Variants in RGS7 observed in about 807,000 individuals in gnomAD.
RGS7 encodes regulator of G protein signaling 7, also known as regulator of G-protein signaling 7.
In RGS7, 27 loss-of-function variants were observed where a neutral mutation model predicts 81.1. The observed-to-expected ratio is 0.33, with a 90% CI of 0.25 to 0.46. RGS7 has a LOEUF of 0.46. Ranked by LOEUF, RGS7 falls within the 20% of genes least tolerant of loss-of-function variation. The probability of loss-of-function intolerance (pLI) is 1.00; values close to 1 mark genes in which losing one functional copy is unlikely to be tolerated. For missense variants in RGS7, 396 were observed against 607.4 expected (o/e 0.65, Z 3.66); for synonymous variants, 208 against 207.7 (o/e 1.00, Z -0.01).
rs185584628 is a variant in RGS7, at chr1:241,251,329, A to G, written c.78+104370T>C. Among the ~76,000 whole-genome samples, 3 of 152,272 alleles carry G rather than the reference A, an allele frequency of 2.0e-5. No individual in the cohort carries two copies. In the East Asian group the frequency reaches 5.8e-4, roughly 29 times the overall value. ...CTTGCTTTATTGTTGCAGTTTAGCA[A>G]GACAAGAAACTCTCCCAAAATGTCT... On this transcript the variant is annotated intron_variant, in intron 2 of 18. Coordinates refer to ENST00000440928, the MANE Select transcript of RGS7 (RefSeq NM_001364886.1).
At chr1:241,138,517 C>T (rs926806675) in intron 2 of RGS7, among the ~76,000 whole-genome samples, 4 of 152,180 alleles carry the variant, frequency 2.6e-5, no homozygotes, top group East Asian at 1.9e-4. Flanking sequence ...ACTGCACACA[C>T]GCCTGGCTTC....
At chr1:241,343,840 A>C (rs1043010222) in intron 2 of RGS7, among the ~76,000 whole-genome samples, 1 of 152,200 alleles carries the variant, frequency 6.6e-6, no homozygotes, top group Non-Finnish European at 1.5e-5. Flanking sequence ...TATAGCTAAA[A>C]TGGTACATTT....
chr1:241,274,477 A>T (rs2078086413), intron 2 of RGS7, among the ~76,000 whole-genome samples: 1 of 152,220 alleles, frequency 6.6e-6, no homozygotes, highest in East Asian at 1.9e-4. Context: ...ACAACTATGT[A>T]CATGGAACTA....
At chr1:241,266,507 C>T (rs1295896336) in intron 2 of RGS7, among the ~76,000 whole-genome samples, 1 of 152,104 alleles carries the variant, frequency 6.6e-6, no homozygotes, top group Non-Finnish European at 1.5e-5. Flanking sequence ...TTGGCTAAAT[C>T]TCTCCATTCT....
intron 18 of RGS7, among the ~76,000 whole-genome samples, chr1:240,787,192 T>C (rs2102993610): frequency 6.6e-6 from 1 of 152,326 alleles, no homozygotes; most frequent in East Asian, 1.9e-4. Flanking sequence ...ATAGGTTTTC[T>C]TTTTTGTTTT....
chr1:241,037,477 T>G (rs543172545), intron 3 of RGS7, among the ~76,000 whole-genome samples: 3 of 152,094 alleles, frequency 2.0e-5, no homozygotes, highest in Non-Finnish European at 4.4e-5. Flanking sequence ...TCCCAGCACT[T>G]TGGGAGGCCG....
At chr1:241,141,849 C>T (rs1006395656) in intron 2 of RGS7, among the ~76,000 whole-genome samples, 4 of 152,206 alleles carry the variant, frequency 2.6e-5, no homozygotes, top group Non-Finnish European at 4.4e-5. Context: ...CAGAAGTCCA[C>T]AGTCCAAAGT....
At chr1:240,833,848 AC>A (rs1694254987) in intron 9 of RGS7, among the ~76,000 whole-genome samples, 1 of 151,876 alleles carries the variant, frequency 6.6e-6, no homozygotes. Context: ...TGGTGCAATC[AC>A]AGCTCACTAT....
chr1:241,289,743 A>C (rs1186739878), intron 2 of RGS7, among the ~76,000 whole-genome samples: 1 of 152,192 alleles, frequency 6.6e-6, no homozygotes, highest in Non-Finnish European at 1.5e-5. Flanking sequence ...TCTTGGGCAC[A>C]TGAGAGGTCT....
At chr1:241,261,327 C>T (rs1487436262) in intron 2 of RGS7, among the ~76,000 whole-genome samples, 2 of 152,022 alleles carry the variant, frequency 1.3e-5, no homozygotes, top group Non-Finnish European at 2.9e-5. Flanking sequence ...CTAGTTTCAG[C>T]TCTTGCTACA....
intron 2 of RGS7, among the ~76,000 whole-genome samples, chr1:241,351,379 A>G (rs1370953288): frequency 1.3e-5 from 2 of 151,762 alleles, no homozygotes; most frequent in Non-Finnish European, 2.9e-5. Context: ...TGATTGCACC[A>G]CTGCACTCCA....
At chr1:241,019,199 G>A (rs758672255) in intron 3 of RGS7, among the ~76,000 whole-genome samples, 12 of 152,044 alleles carry the variant, frequency 7.9e-5, no homozygotes, top group Non-Finnish European at 1.6e-4. Flanking sequence ...GCTAACTTAC[G>A]GTGTCTAGCA....
At chr1:241,045,057 T>A (rs375019749) in intron 3 of RGS7, among the ~76,000 whole-genome samples, 1 of 152,188 alleles carries the variant, frequency 6.6e-6, no homozygotes, top group Non-Finnish European at 1.5e-5. Flanking sequence ...TTCTCTTCAG[T>A]TTCTTTCCTT....
At chr1:241,128,902 C>T (rs2066887769) in intron 2 of RGS7, among the ~76,000 whole-genome samples, 1 of 151,578 alleles carries the variant, frequency 6.6e-6, no homozygotes, top group Admixed American at 6.6e-5. Context: ...TAATGATATG[C>T]TCCCTTGGGG....
At chr1:241,274,943 G>A (rs761608515) in intron 2 of RGS7, among the ~76,000 whole-genome samples, 12 of 152,152 alleles carry the variant, frequency 7.9e-5, no homozygotes, top group Non-Finnish European at 1.8e-4. Context: ...TATCCAGGAC[G>A]GACTGATTAT....
intron 1 of RGS7, 89 bp from the exon 2 acceptor site, chr1:241,355,915 C>T (rs1159048967): frequency 6.7e-6 from 5 of 748,124 alleles, no homozygotes; most frequent in Admixed American, 4.0e-5. Flanking sequence ...CCACATGGCG[C>T]GTTCTTACAA....
intron 2 of RGS7, among the ~76,000 whole-genome samples, chr1:241,191,890 G>A (rs774070531): frequency 1.3e-5 from 2 of 152,244 alleles, no homozygotes; most frequent in South Asian, 2.1e-4. Flanking sequence ...GTTCATATGC[G>A]GGCAGGGGTG....
At chr1:241,293,160 G>A (rs1319261331) in intron 2 of RGS7, among the ~76,000 whole-genome samples, 1 of 152,068 alleles carries the variant, frequency 6.6e-6, no homozygotes, top group African/African-American at 2.4e-5. Context: ...ATTTCCTATC[G>A]CCTAGCAACA....
At chr1:240,896,892 G>T (rs192159076) in intron 6 of RGS7, among the ~76,000 whole-genome samples, 13 of 152,248 alleles carry the variant, frequency 8.5e-5, no homozygotes, top group African/African-American at 2.9e-4. Context: ...CCATTTTCAT[G>T]ATATTGATTC....
Sources: allele counts gnomAD v4.1 joint callset (sites outside exome capture counted in the v4.1 genomes callset), GRCh38; gene constraint gnomAD v4.1.1; transcripts MANE v1.5; gene names NCBI Gene and HGNC (gene_info 2026-07-23, HGNC 2026-07-21).